The following GALNTL6 variants were observed in gnomAD, a reference collection of about 807,000 sequenced individuals.
GALNTL6 encodes the protein polypeptide N-acetylgalactosaminyltransferase like 6, also known as polypeptide N-acetylgalactosaminyltransferase-like 6.
A neutral mutation model predicts 73.7 loss-of-function variants in GALNTL6; 46 were observed. The ratio of observed to expected loss-of-function variants is 0.62; its 90% CI spans 0.49 to 0.80. GALNTL6 has a LOEUF of 0.80. Ranked by LOEUF, GALNTL6 falls within the 30% of genes least tolerant of loss-of-function variation. GALNTL6 has a pLI of 0.00. For missense variants in GALNTL6, 604 were observed against 755.0 expected (o/e 0.80, Z 2.34); for synonymous variants, 259 against 263.7 (o/e 0.98, Z 0.17).
intron 2 of GALNTL6, among the ~76,000 whole-genome samples, chr4:172,088,223 CT>C (rs1412303087): frequency 6.6e-6 from 1 of 152,076 alleles, no homozygotes; most frequent in Non-Finnish European, 1.5e-5. Flanking sequence ...CAGATCTTTA[CT>C]TTTTCCCAAA....
chr4:172,459,250 C>T (rs907723333), intron 5 of GALNTL6, among the ~76,000 whole-genome samples: 5 of 152,138 alleles, frequency 3.3e-5, no homozygotes, highest in African/African-American at 1.2e-4. Flanking sequence ...AATCCACAGC[C>T]AATATCATAC....
chr4:172,152,760 CACG>C (rs1465907240), intron 2 of GALNTL6, among the ~76,000 whole-genome samples: 1 of 152,170 alleles, frequency 6.6e-6, no homozygotes, highest in East Asian at 1.9e-4. Flanking sequence ...AGGCACCCAC[CACG>C]ACGACAAGCT....
chr4:172,539,949 CTGTCAG>C (rs1735490283), intron 5 of GALNTL6, among the ~76,000 whole-genome samples: 2 of 146,642 alleles, frequency 1.4e-5, no homozygotes. Flanking sequence ...ATAAGCTAGG[CTGTCAG>C]TGTCCCCATT....
chr4:172,863,183 G>C (rs1220961193), intron 7 of GALNTL6, among the ~76,000 whole-genome samples: 1 of 152,234 alleles, frequency 6.6e-6, no homozygotes, highest in African/African-American at 2.4e-5. Flanking sequence ...ACCTCTGCTA[G>C]GGCAGTGAAA....
At chr4:171,938,705 T>C (rs1738429202) in intron 2 of GALNTL6, among the ~76,000 whole-genome samples, 1 of 152,150 alleles carries the variant, frequency 6.6e-6, no homozygotes, top group Non-Finnish European at 1.5e-5. Flanking sequence ...GAAATAGAAG[T>C]GAAATGAATA....
chr4:172,568,400 C>T lies in GALNTL6; in HGVS notation c.553+219711C>T, dbSNP rs17058656. Among the ~76,000 whole-genome samples, 442 of 152,216 alleles carry T rather than the reference C, an allele frequency of 2.9e-3. 1 individual carries two copies. The highest frequency in any genetic ancestry group is 5.6e-3 in the Admixed American group (85 of 15,286). On this transcript the variant is annotated intron_variant, in intron 5 of 12. Transcript: ENST00000506823. ...TTGGAGGGCAAGTCAGCCTAATTCC[C>T]GGAGTCAGTGAACGAAGCCATTATC...
chr4:173,007,816 AC>A (rs1258811109), intron 10 of GALNTL6, among the ~76,000 whole-genome samples: 2 of 152,044 alleles, frequency 1.3e-5, no homozygotes, highest in Non-Finnish European at 2.9e-5. Flanking sequence ...AAAAAAAAAA[AC>A]AAGATATGAC....
chr4:172,592,523 G>T (rs1560825394), intron 5 of GALNTL6, among the ~76,000 whole-genome samples: 1 of 152,112 alleles, frequency 6.6e-6, no homozygotes, highest in Non-Finnish European at 1.5e-5. Flanking sequence ...CCCCACATCT[G>T]ATCCACTAAA....
intron 5 of GALNTL6, among the ~76,000 whole-genome samples, chr4:172,465,889 A>T (rs577968510): frequency 6.6e-6 from 1 of 152,238 alleles, no homozygotes; most frequent in Non-Finnish European, 1.5e-5. Flanking sequence ...ATGTTGCAAC[A>T]TGCTTTATGG....
chr4:172,337,622 A>T (rs1035773517), intron 4 of GALNTL6, among the ~76,000 whole-genome samples: 1 of 150,538 alleles, frequency 6.6e-6, no homozygotes, highest in South Asian at 2.1e-4. Flanking sequence ...TCTACTGGGA[A>T]GTTGCTGTTA....
intron 5 of GALNTL6, among the ~76,000 whole-genome samples, chr4:172,498,856 A>G (rs1319199065): frequency 6.6e-6 from 1 of 152,206 alleles, no homozygotes; most frequent in African/African-American, 2.4e-5. Flanking sequence ...TCATAAGTAA[A>G]TCACTGTGTG....
rs182234446 is a variant in GALNTL6, at chr4:172,361,239, A to G, written c.553+12550A>G. On this transcript the variant is annotated intron_variant, in intron 5 of 12. Coordinates refer to ENST00000506823, the MANE Select transcript of GALNTL6 (RefSeq NM_001034845.3). The stretch of plus-strand genomic sequence containing the variant: ...TATCCTATACAATAGTAAGTATTGT[A>G]TGGTAAACTCAAGTCCTTACCAGTG... 1.0e-3 allele frequency among the ~76,000 whole-genome samples: 154 copies of G among 152,226 alleles called. 1 individual carries two copies. In the South Asian group the frequency reaches 0.016, roughly 16 times the overall value.
intron 9 of GALNTL6, among the ~76,000 whole-genome samples, chr4:172,933,436 G>A: frequency 6.6e-6 from 1 of 152,076 alleles, no homozygotes; most frequent in Non-Finnish European, 1.5e-5. Context: ...GTCAAATACA[G>A]AGAAACTGGG....
At chr4:172,708,852 A>C (rs1191684412) in intron 5 of GALNTL6, among the ~76,000 whole-genome samples, 1 of 152,138 alleles carries the variant, frequency 6.6e-6, no homozygotes, top group African/African-American at 2.4e-5. Flanking sequence ...TTTCCAATTC[A>C]GATCTCTTTC....
intron 10 of GALNTL6, among the ~76,000 whole-genome samples, chr4:172,993,025 A>T (rs943681478): frequency 2.6e-5 from 4 of 152,142 alleles, no homozygotes; most frequent in Non-Finnish European, 5.9e-5. Context: ...CACTGACATA[A>T]TTTTCCTATG....
intron 2 of GALNTL6, among the ~76,000 whole-genome samples, chr4:171,913,182 C>A (rs1299781065): frequency 6.6e-6 from 1 of 152,130 alleles, no homozygotes; most frequent in Non-Finnish European, 1.5e-5. Context: ...GTTGGGGAAC[C>A]AGATGCATTT....
intron 2 of GALNTL6, among the ~76,000 whole-genome samples, chr4:172,013,767 T>C (rs965223785): frequency 6.6e-6 from 1 of 152,056 alleles, no homozygotes; most frequent in Non-Finnish European, 1.5e-5. Context: ...TTGACTATAG[T>C]CACCTTGTTG....
intron 5 of GALNTL6, among the ~76,000 whole-genome samples, chr4:172,689,555 A>T (rs1018560949): frequency 6.6e-6 from 1 of 152,220 alleles, no homozygotes; most frequent in African/African-American, 2.4e-5. Flanking sequence ...CACATATCTT[A>T]TCATGACTCT....
At chr4:172,982,821 TC>T (rs1751128333) in intron 10 of GALNTL6, among the ~76,000 whole-genome samples, 1 of 152,204 alleles carries the variant, frequency 6.6e-6, no homozygotes, top group African/African-American at 2.4e-5. Flanking sequence ...GATGAGATCA[TC>T]CTAGATTTTC....
Sources: gnomAD v4.1 joint callset for allele counts (sites outside exome capture counted in the v4.1 genomes callset) on GRCh38, gnomAD v4.1.1 for gene constraint, MANE v1.5 for transcripts, NCBI Gene and HGNC (gene_info 2026-07-23, HGNC 2026-07-21) for gene names.